Variants in FRMD6 observed in about 807,000 individuals in gnomAD.
FRMD6 encodes the protein FERM domain containing 6.
In FRMD6, 37 loss-of-function variants were observed where a neutral mutation model predicts 73.2. That is an observed-to-expected ratio of 0.51 (90% confidence interval 0.39 to 0.66). FRMD6 has a LOEUF of 0.66. Among genes scored for constraint, FRMD6 ranks in the 30% least tolerant of loss-of-function variants. FRMD6 has a pLI of 0.00. For missense variants in FRMD6, 714 were observed against 780.5 expected, an observed-to-expected ratio of 0.91 and a Z score of 1.02; for synonymous variants, 273 against 282.2, an observed-to-expected ratio of 0.97 and a Z score of 0.33.
At chr14:51,635,228 AAATAAATAAAT>A (rs1891505253) in intron 2 of FRMD6, among the ~76,000 whole-genome samples, 1 of 152,154 alleles carries the variant, frequency 6.6e-6, no homozygotes, top group African/African-American at 2.4e-5. Flanking sequence ...AATTCAATTC[AAATAAATAAAT>A]AAGCAAGCAA....
the FRMD6 span, among the ~76,000 whole-genome samples, chr14:51,426,387 C>G: frequency 2.6e-5 from 4 of 152,216 alleles, no homozygotes; most frequent in East Asian, 7.7e-4. Flanking sequence ...CCCCACTCCC[C>G]ACTAGAATTA....
intron 1 of FRMD6, among the ~76,000 whole-genome samples, chr14:51,529,483 AGC>A (rs1491483246): frequency 2.0e-5 from 3 of 152,014 alleles, no homozygotes; most frequent in African/African-American, 4.8e-5. Flanking sequence ...AGAGAGAGAG[AGC>A]GAGCACAACT....
chr14:51,483,227 A>G, the FRMD6 span, among the ~76,000 whole-genome samples: 5 of 152,174 alleles, frequency 3.3e-5, no homozygotes, highest in East Asian at 1.9e-4. Context: ...CTTTTATCCA[A>G]TGGGCACCTT....
At chr14:51,706,159 A>G (rs1157073379) in intron 6 of FRMD6, among the ~76,000 whole-genome samples, 1 of 152,066 alleles carries the variant, frequency 6.6e-6, no homozygotes, top group South Asian at 2.1e-4. Flanking sequence ...TGTCCCATCA[A>G]CTGTAACACC....
At chr14:51,534,152 A>G (rs1216955790) in intron 1 of FRMD6, among the ~76,000 whole-genome samples, 2 of 152,240 alleles carry the variant, frequency 1.3e-5, no homozygotes, top group African/African-American at 4.8e-5. Flanking sequence ...CTGTAGGGAC[A>G]GCCATCCACA....
chr14:51,408,861 C>A, the FRMD6 span, among the ~76,000 whole-genome samples: 1 of 152,010 alleles, frequency 6.6e-6, no homozygotes, highest in African/African-American at 2.4e-5. Flanking sequence ...ATTTTTTGCA[C>A]AAGGATCCAA....
chr14:51,673,997 C>G (rs1894202722), intron 1 of FRMD6, among the ~76,000 whole-genome samples: 1 of 152,156 alleles, frequency 6.6e-6, no homozygotes, highest in Non-Finnish European at 1.5e-5. Context: ...TAGGAAACAT[C>G]ACGACTTTTA....
intron 2 of FRMD6, among the ~76,000 whole-genome samples, chr14:51,597,274 T>A (rs1173617369): frequency 6.6e-6 from 1 of 152,218 alleles, no homozygotes; most frequent in Non-Finnish European, 1.5e-5. Context: ...CAGGGCAGAA[T>A]ATGGCACATG....
At chr14:51,463,271 A>G in the FRMD6 span, among the ~76,000 whole-genome samples, 1 of 152,184 alleles carries the variant, frequency 6.6e-6, no homozygotes, top group Non-Finnish European at 1.5e-5. Context: ...TCAAATCAAG[A>G]ATTGGTCAAG....
chr14:51,700,632 G>A (rs1896251392), intron 3 of FRMD6, among the ~76,000 whole-genome samples: 1 of 151,964 alleles, frequency 6.6e-6, no homozygotes, highest in African/African-American at 2.4e-5. Flanking sequence ...TTCTTACATA[G>A]CAATTAAGAT....
intron 7 of FRMD6, among the ~76,000 whole-genome samples, chr14:51,711,269 G>T (rs1437951689): frequency 6.6e-6 from 1 of 152,176 alleles, no homozygotes; most frequent in East Asian, 1.9e-4. Flanking sequence ...AAAAGTGTAT[G>T]TAATATAGTG....
chr14:51,465,783 C>T, the FRMD6 span, among the ~76,000 whole-genome samples: 1 of 151,820 alleles, frequency 6.6e-6, no homozygotes, highest in African/African-American at 2.4e-5. Context: ...TTTGTGCAAA[C>T]ATGTTTTCTT....
the FRMD6 span, among the ~76,000 whole-genome samples, chr14:51,451,497 G>A: frequency 1.3e-5 from 2 of 152,110 alleles, no homozygotes; most frequent in South Asian, 2.1e-4. Flanking sequence ...CCTCAACCTC[G>A]CAAGCAGCTG....
At chr14:51,721,127 T>A (rs1337792609) in intron 11 of FRMD6, among the ~76,000 whole-genome samples, 1 of 152,142 alleles carries the variant, frequency 6.6e-6, no homozygotes, top group Non-Finnish European at 1.5e-5. Flanking sequence ...GCTATGGACA[T>A]GGGGGGCTTT....
the FRMD6 span, among the ~76,000 whole-genome samples, chr14:51,408,651 G>T: frequency 6.6e-5 from 10 of 151,908 alleles, no homozygotes; most frequent in Non-Finnish European, 1.3e-4. Flanking sequence ...TTACTCTCCT[G>T]CTCATATTTT....
chr14:51,715,627 C>A, intron 10 of FRMD6, 128 bp downstream of exon 10: 2 of 667,546 alleles, frequency 3.0e-6, no homozygotes, highest in Non-Finnish European at 4.8e-6. Context: ...TTGAGAGCAG[C>A]ATTACTATTT....
intron 1 of FRMD6, among the ~76,000 whole-genome samples, chr14:51,501,981 T>C (rs1342746399): frequency 6.6e-6 from 1 of 152,262 alleles, no homozygotes; most frequent in East Asian, 1.9e-4. Flanking sequence ...CTCAGTGATG[T>C]TGATCTTCTA....
chr14:51,535,747 G>A (rs542556287), intron 1 of FRMD6, among the ~76,000 whole-genome samples: 1 of 152,234 alleles, frequency 6.6e-6, no homozygotes, highest in South Asian at 2.1e-4. Flanking sequence ...AAATTGCTGG[G>A]TTATATGTTT....
At chr14:51,602,321 C>G (rs754775422) in intron 2 of FRMD6, among the ~76,000 whole-genome samples, 1 of 152,108 alleles carries the variant, frequency 6.6e-6, no homozygotes, top group Non-Finnish European at 1.5e-5. Flanking sequence ...AAAGAGAATT[C>G]TCACAATCCT....
Sources: gnomAD v4.1 joint callset for allele counts (sites outside exome capture counted in the v4.1 genomes callset) on GRCh38, gnomAD v4.1.1 for gene constraint, MANE v1.5 for transcripts, NCBI Gene and HGNC (gene_info 2026-07-23, HGNC 2026-07-21) for gene names.